FLVCR2: variants seen among roughly 807,000 people sequenced by gnomAD.
The protein encoded by FLVCR2 is choline/ethanolamine transporter FLVCR2.
Under a neutral mutation model 48.9 loss-of-function variants are expected in FLVCR2, and 38 were observed. That is an observed-to-expected ratio of 0.78 (90% CI 0.60 to 1.02). The LOEUF is 1.02. Ranked by LOEUF, FLVCR2 falls within the 50% of genes least tolerant of loss-of-function variation. FLVCR2 has a pLI of 0.00. For synonymous variants in FLVCR2, 255 were observed against 257.0 expected, an observed-to-expected ratio of 0.99 and a Z score of 0.07; for missense variants, 664 against 663.3, an observed-to-expected ratio of 1.00 and a Z score of -0.01.
chr14:75,638,096 T>C (rs1302243813), intron 5 of FLVCR2, among the ~76,000 whole-genome samples: 1 of 152,148 alleles, frequency 6.6e-6, no homozygotes, highest in East Asian at 1.9e-4. Context: ...GAATATTCTC[T>C]CTTAGTTCCT....
chr14:75,592,754 C>T (rs563856563), intron 1 of FLVCR2, among the ~76,000 whole-genome samples: 2 of 151,966 alleles, frequency 1.3e-5, no homozygotes, highest in East Asian at 1.9e-4. Context: ...TTTGGGAGGC[C>T]GAGGTGGGCG....
At chr14:75,629,729 G>A (rs945541807) in intron 3 of FLVCR2, among the ~76,000 whole-genome samples, 5 of 152,188 alleles carry the variant, frequency 3.3e-5, no homozygotes, top group African/African-American at 9.7e-5. Context: ...TTGTTGAAAA[G>A]GCTTCTCTTC....
intron 1 of FLVCR2, among the ~76,000 whole-genome samples, chr14:75,580,334 G>A (rs1888563822): frequency 6.6e-6 from 1 of 152,246 alleles, no homozygotes; most frequent in Non-Finnish European, 1.5e-5. Context: ...GATCCAGAAA[G>A]CTGGGCAGGT....
chr14:75,598,298 G>A (rs1284264765), intron 1 of FLVCR2, among the ~76,000 whole-genome samples: 3 of 152,168 alleles, frequency 2.0e-5, no homozygotes, highest in Non-Finnish European at 2.9e-5. Context: ...AAACCTTAGG[G>A]TTGGGGAGTT....
At position 75,578,717 on chromosome 14, in the gene FLVCR2, G is replaced by C. The variant is rs1002669097; in HGVS notation, c.-256G>C. On this transcript the variant is annotated 5_prime_UTR_variant, in exon 1 of 10. Coordinates refer to ENST00000238667, the MANE Select transcript of FLVCR2 (RefSeq NM_017791.3). ...CCCAAGGCAGGAGCGGTCCGGAGCCGGCTGCGGCGTGTGCGGCCGGCCTTG... is the reference window on the plus strand; with the variant it reads ...CCCAAGGCAGGAGCGGTCCGGAGCCCGCTGCGGCGTGTGCGGCCGGCCTTG... 1 of 576,406 alleles carries C rather than the reference G, an allele frequency of 1.7e-6. No homozygotes were observed. Among genetic ancestry groups the C allele is most frequent in the African/African-American group, 1.9e-5 (1 of 53,268 alleles). The allele number at this position is 576,406 out of a possible 1,614,324, so 35.7% of individuals were successfully genotyped here.
intron 1 of FLVCR2, among the ~76,000 whole-genome samples, chr14:75,591,806 CTTTTTTT>C (rs1163085989): frequency 1.3e-4 from 14 of 109,332 alleles, no homozygotes; most frequent in East Asian, 2.5e-4. Flanking sequence ...CTCTTCATTC[CTTTTTTT>C]TTTTTTTTTT....
intron 1 of FLVCR2, among the ~76,000 whole-genome samples, chr14:75,580,348 G>T (rs913668059): frequency 6.6e-6 from 1 of 152,240 alleles, no homozygotes; most frequent in African/African-American, 2.4e-5. Flanking sequence ...GGCAGGTTGT[G>T]AACCTGAATG....
intron 2 of FLVCR2, among the ~76,000 whole-genome samples, chr14:75,623,082 A>G (rs1223433832): frequency 6.6e-6 from 1 of 152,146 alleles, no homozygotes; most frequent in Non-Finnish European, 1.5e-5. Flanking sequence ...CCTGGGTTCA[A>G]GTGATTCTCC....
chr14:75,603,042 A>G (rs982128534), intron 1 of FLVCR2, among the ~76,000 whole-genome samples: 2 of 151,724 alleles, frequency 1.3e-5, no homozygotes, highest in African/African-American at 2.4e-5. Flanking sequence ...CTTCTTCCTT[A>G]TCCCTTCTCT....
At chr14:75,640,258 C>T (rs900794992) in intron 6 of FLVCR2, among the ~76,000 whole-genome samples, 114 of 97,630 alleles carry the variant, frequency 1.2e-3, no homozygotes, top group African/African-American at 5.0e-3. Context: ...GACTCCGTCT[C>T]AAAAAAAAAA....
Position 75,578,827 on chromosome 14 carries a change from T to C in FLVCR2, c.-146T>C. 1.3e-6 allele frequency: 1 copy of C among 767,742 alleles called. No individual in the cohort carries two copies. Among genetic ancestry groups the C allele is most frequent in the South Asian group, 1.5e-5 (1 of 66,216 alleles). 47.6% of individuals were successfully genotyped at this position (767,742 alleles called of 1,614,324 possible). The stretch of plus-strand genomic sequence containing the variant: ...TGGAGGTGAGCACAGGAAGCCCCAC[T>C]TGAGGCTTTTACGCAGCCTCTAGTC... On this transcript the variant is annotated 5_prime_UTR_variant, in exon 1 of 10. Transcript: ENST00000238667.
intron 1 of FLVCR2, among the ~76,000 whole-genome samples, chr14:75,593,021 C>T (rs1235496244): frequency 6.6e-6 from 1 of 152,206 alleles, no homozygotes; most frequent in Non-Finnish European, 1.5e-5. Flanking sequence ...GTCCATATTT[C>T]TATCAGCATT....
rs1455147084 is a variant in FLVCR2, at chr14:75,642,101, T to C, written c.1509+203T>C. 4 of 603,798 alleles carry C rather than the reference T, an allele frequency of 6.6e-6. No homozygotes were observed. The East Asian group carries it at 1.1e-4, about 17-fold the overall frequency. The allele number at this position is 603,798 out of a possible 1,614,324, so 37.4% of individuals were successfully genotyped here. ...TTGCGTTCTTGCTACTGCTACCCTT[T>C]CTTGGACTCTTCTCCCACTTCCTGC... On this transcript the variant is annotated intron_variant, in intron 9 of 9. Coordinates refer to ENST00000238667, the MANE Select transcript of FLVCR2 (RefSeq NM_017791.3).
At chr14:75,590,354 TG>T (rs912372235) in intron 1 of FLVCR2, among the ~76,000 whole-genome samples, 1 of 152,234 alleles carries the variant, frequency 6.6e-6, no homozygotes, top group African/African-American at 2.4e-5. Flanking sequence ...AATTTCAACA[TG>T]AGTTTTCATA....
chr14:75,582,420 G>C lies in FLVCR2; in HGVS notation c.669+2779G>C, dbSNP rs139403375. Among the ~76,000 whole-genome samples, 1,241 of 152,314 alleles carry C rather than the reference G, an allele frequency of 8.1e-3. 20 individuals carry two copies. The highest frequency in any genetic ancestry group is 0.028 in the African/African-American group (1,148 of 41,564). ...GAGAGGTAGTGGAGGGGGGCAGAAA[G>C]TATATGCATCAGGTGTGAGGAAGAA... On this transcript the variant is annotated intron_variant, in intron 1 of 9. Transcript: ENST00000238667.
At chr14:75,626,426 G>C (rs1594809600) in intron 3 of FLVCR2, among the ~76,000 whole-genome samples, 1 of 151,898 alleles carries the variant, frequency 6.6e-6, no homozygotes, top group South Asian at 2.1e-4. Context: ...TAGATAAGAG[G>C]TGGCTTCATC....
At chr14:75,581,057 G>A (rs1300364616) in intron 1 of FLVCR2, among the ~76,000 whole-genome samples, 2 of 152,148 alleles carry the variant, frequency 1.3e-5, no homozygotes, top group African/African-American at 4.8e-5. Context: ...GCGGGATTAG[G>A]GGCAGCGTGG....
intron 2 of FLVCR2, 110 bp from the exon 3 acceptor site, chr14:75,624,502 G>T: frequency 8.2e-7 from 1 of 1,226,140 alleles, no homozygotes; most frequent in Non-Finnish European, 1.2e-6. Flanking sequence ...TATTTCCTTT[G>T]GGAGTCTTAG....
chr14:75,642,868 CTTT>C (rs1004434380), intron 9 of FLVCR2, among the ~76,000 whole-genome samples: 1 of 151,428 alleles, frequency 6.6e-6, no homozygotes, highest in Middle Eastern at 3.2e-3. Context: ...TTACAACATA[CTTT>C]TTTTTTATGA....
Sources: allele counts gnomAD v4.1 joint callset (sites outside exome capture counted in the v4.1 genomes callset), GRCh38; gene constraint gnomAD v4.1.1; transcripts MANE v1.5; gene names NCBI Gene and HGNC (gene_info 2026-07-23, HGNC 2026-07-21).